Variants in COL4A6 observed in about 807,000 individuals in gnomAD.
The protein encoded by COL4A6 is collagen type IV alpha 6 chain.
COL4A6 carries 59 observed loss-of-function variants against 126.7 expected under a neutral mutation model. That is an observed-to-expected ratio of 0.47 (90% confidence interval 0.38 to 0.58). The LOEUF is 0.58. COL4A6 is among the 20% of genes least tolerant of loss of function. COL4A6 has a pLI of 0.00. For synonymous variants in COL4A6, 547 were observed against 496.6 expected (o/e 1.10, Z -1.35); for missense variants, 1,285 against 1,337.3 (o/e 0.96, Z 0.61).
rs1324132612 is a variant in COL4A6, at chrX:108,206,573, T to C, written c.554A>G (p.Gln185Arg). 3 of 1,209,764 alleles carry C rather than the reference T, an allele frequency of 2.5e-6. No individual in the cohort carries two copies. Among genetic ancestry groups the C allele is most frequent in the Admixed American group, 2.2e-5 (1 of 45,934 alleles). ...AGCTCCAGGAAATCCGGGTGCTCCT[T>C]GTGGGCCCTAGAGAGGCAAGTTTTT... ...LPGLDGITGP[Q>R]GAPGFPGAVG... The change falls in exon 9 of 45, where the codon CAA becomes CGA. Residue 185 changes from glutamine (Q) to arginine (R), a missense_variant. Gln to Arg is a conservative substitution (Grantham distance 43). Transcript: ENST00000334504.
At chrX:108,381,219 A>C (rs1355133701) in intron 2 of COL4A6, among the ~76,000 whole-genome samples, 3 of 111,563 alleles carry the variant, frequency 2.7e-5, no homozygotes, top group Non-Finnish European at 3.8e-5. Context: ...AACTCATCCC[A>C]AAAGGGATAG....
At chrX:108,310,483 T>C (rs1045834793) in intron 3 of COL4A6, among the ~76,000 whole-genome samples, 2 of 111,802 alleles carry the variant, frequency 1.8e-5, no homozygotes, top group African/African-American at 6.5e-5. Context: ...TACAACCTAA[T>C]TGGCTTTTGG....
rs1004971746 is a variant in COL4A6, at chrX:108,173,578, G to A, written c.3138+862C>T. Among the ~76,000 whole-genome samples the A allele has an allele frequency of 2.7e-5, 3 of 111,250 alleles. No homozygotes were observed. In the Admixed American group the frequency reaches 2.9e-4, roughly 11 times the overall value. ...GACTTTGCCTGCAAGGAGCCCAGGT[G>A]TTCTGTGATTCAATTCATTGAGACC... On this transcript the variant is annotated intron_variant, in intron 31 of 44. Transcript: ENST00000334504.
chrX:108,277,884 T>C (rs1290962831), intron 3 of COL4A6, among the ~76,000 whole-genome samples: 1 of 112,176 alleles, frequency 8.9e-6, no homozygotes, highest in Non-Finnish European at 1.9e-5. Context: ...GCAAGCAGTG[T>C]CTGGAGTAGA....
chrX:108,174,433 C>T lies in COL4A6; in HGVS notation c.3138+7G>A. The T allele has an allele frequency of 1.7e-6, 2 of 1,210,544 alleles. No individual in the cohort carries two copies. Among genetic ancestry groups the T allele is most frequent in the South Asian group, 1.8e-5 (1 of 56,891 alleles). ...TGGTATAAAGACAAAGATCTGGTCA[C>T]ACTTACACTTTCTCCTGGCATTCCT... On this transcript the variant is annotated splice_region_variant and intron_variant, in intron 31 of 44. Transcript: ENST00000334504.
chrX:108,289,488 A>T (rs2038103244), intron 3 of COL4A6, among the ~76,000 whole-genome samples: 1 of 111,497 alleles, frequency 9.0e-6, no homozygotes, highest in Non-Finnish European at 1.9e-5. Context: ...AGGTTTGAAA[A>T]TGTTCAAATT....
chrX:108,394,024 C>A (rs2040899766), intron 2 of COL4A6, among the ~76,000 whole-genome samples: 1 of 111,910 alleles, frequency 8.9e-6, no homozygotes, highest in Non-Finnish European at 1.9e-5. Flanking sequence ...TAGAACCAAC[C>A]CAAATGTCCA....
Position 108,155,703 on chromosome X carries a change from T to A in COL4A6, c.*1297A>T, listed in dbSNP as rs2033712711. ...AAAGATAACAATAATTCAGATTATA[T>A]TGATTATGCTTTGTCTGTATTGGCA... On this transcript the variant is annotated 3_prime_UTR_variant, in exon 45 of 45. Transcript: ENST00000334504. The A allele has an allele frequency of 8.9e-6, 1 of 112,272 alleles. No individual in the cohort carries two copies. Among genetic ancestry groups the A allele is most frequent in the South Asian group, 3.7e-4 (1 of 2,671 alleles). 9.3% of individuals were successfully genotyped at this position (112,272 alleles called of 1,213,427 possible).
chrX:108,256,672 T>C (rs1289797718), intron 3 of COL4A6, among the ~76,000 whole-genome samples: 3 of 111,180 alleles, frequency 2.7e-5, no homozygotes, highest in Non-Finnish European at 5.7e-5. Context: ...ATTTGGGAGC[T>C]TGTTAAAAAT....
intron 3 of COL4A6, among the ~76,000 whole-genome samples, chrX:108,260,794 C>T (rs1470651630): frequency 1.8e-5 from 2 of 109,015 alleles, no homozygotes; most frequent in Non-Finnish European, 3.8e-5. Context: ...TCTTGGAATG[C>T]CCTATGGTGA....
At chrX:108,275,221 A>T (rs1332118) in intron 3 of COL4A6, among the ~76,000 whole-genome samples, 51 of 110,834 alleles carry the variant, frequency 4.6e-4, no homozygotes, top group Non-Finnish European at 7.8e-4. Context: ...AAGGTAAATA[A>T]GGAAGAAAGG....
chrX:108,165,024 C>T lies in COL4A6; in HGVS notation c.3823G>A (p.Ala1275Thr), dbSNP rs113329155. 14 of 1,204,399 alleles carry T rather than the reference C, an allele frequency of 1.2e-5. No individual in the cohort carries two copies. Among genetic ancestry groups the T allele is most frequent in the African/African-American group, 8.9e-5 (5 of 56,392 alleles). ...GGCCCAGGGGGACCTGGGGGTCCAG[C>T]GGGGCCTGGGCGGCCTAGGGATAAG... The part of the protein sequence containing the change: ...LDGERGRPGP[A>T]GPPGPPGPSS... Residue 1275 changes from alanine (A) to threonine (T), a missense_variant, in exon 39 of 45, where the codon GCT becomes ACT. By Grantham distance (58) the Ala-to-Thr change is moderately conservative. Transcript: ENST00000334504.
chrX:108,362,258 A>G (rs112585037), intron 2 of COL4A6, among the ~76,000 whole-genome samples: 133 of 112,585 alleles, frequency 1.2e-3, no homozygotes, highest in African/African-American at 3.8e-3. Context: ...AATACAATCT[A>G]TTAGACAGCT....
At chrX:108,243,102 A>C (rs1241511929) in intron 3 of COL4A6, among the ~76,000 whole-genome samples, 2 of 111,697 alleles carry the variant, frequency 1.8e-5, no homozygotes, top group African/African-American at 3.3e-5. Flanking sequence ...TTTTCTAACA[A>C]GCTCCCAGGT....
intron 29 of COL4A6, 29 bp downstream of exon 29, chrX:108,175,625 C>A (rs1427111625): frequency 8.5e-7 from 1 of 1,175,385 alleles, no homozygotes; most frequent in South Asian, 1.9e-5. Flanking sequence ...GCATGGGCAG[C>A]AGTTCCAGAA....
intron 3 of COL4A6, among the ~76,000 whole-genome samples, chrX:108,256,757 T>A (rs902503016): frequency 9.0e-6 from 1 of 111,188 alleles, no homozygotes; most frequent in African/African-American, 3.3e-5. Context: ...ATCTTTGTTT[T>A]CCAAGCCCAG....
intron 5 of COL4A6, among the ~76,000 whole-genome samples, chrX:108,215,579 A>G (rs1479042067): frequency 1.8e-5 from 2 of 111,399 alleles, no homozygotes; most frequent in Non-Finnish European, 3.8e-5. Flanking sequence ...TTCCAGTTGT[A>G]TTTGGCCACT....
rs780201895 is a variant in COL4A6, at chrX:108,175,117, C to T, written c.2929G>A (p.Gly977Arg). 7 of 1,198,392 alleles carry T rather than the reference C, an allele frequency of 5.8e-6. No individual in the cohort carries two copies. Among genetic ancestry groups the T allele is most frequent in the Non-Finnish European group, 7.9e-6 (7 of 889,681 alleles). The change falls in exon 30 of 45, where the codon GGA (glycine) becomes AGA (arginine). Residue 977 changes from glycine (G) to arginine (R), a missense_variant. By Grantham distance (125) the Gly-to-Arg change is moderately radical. Coordinates refer to ENST00000334504, the MANE Select transcript of COL4A6 (RefSeq NM_033641.4). ...KGDKGSQGSA[G>R]SNGFPGPRGD... The stretch of plus-strand genomic sequence containing the variant: ...CTTGGCCCAGGAAATCCATTGGATC[C>T]GGCTGAGCCTTGAGAGCCTTTGTCT...
intron 2 of COL4A6, among the ~76,000 whole-genome samples, chrX:108,416,599 G>T (rs1356033509): frequency 8.9e-6 from 1 of 111,980 alleles, no homozygotes; most frequent in East Asian, 2.8e-4. Flanking sequence ...ATCATTGGTA[G>T]GAAAATATTT....
Sources: gnomAD v4.1 joint callset for allele counts (sites outside exome capture counted in the v4.1 genomes callset) on GRCh38, gnomAD v4.1.1 for gene constraint, MANE v1.5 for transcripts, NCBI Gene and HGNC (gene_info 2026-07-23, HGNC 2026-07-21) for gene names.